Variants in FRMD4A observed in about 807,000 individuals in gnomAD.
FRMD4A encodes the protein FERM domain containing 4A.
Under a neutral mutation model 129.1 loss-of-function variants are expected in FRMD4A, and 29 were observed. That is an observed-to-expected ratio of 0.22 (90% CI 0.17 to 0.31). The LOEUF (loss-of-function observed/expected upper bound fraction) is 0.31. FRMD4A is among the 10% of genes least tolerant of loss of function. FRMD4A has a pLI of 1.00. For missense variants in FRMD4A, 1,272 were observed against 1,375.8 expected, an observed-to-expected ratio of 0.92 and a Z score of 1.19; for synonymous variants, 634 against 571.6, an observed-to-expected ratio of 1.11 and a Z score of -1.56.
At chr10:13,670,260 G>A (rs994059421) in intron 17 of FRMD4A, 146 bp downstream of exon 17, 39 of 731,584 alleles carry the variant, frequency 5.3e-5, no homozygotes, top group East Asian at 4.2e-4. Flanking sequence ...CATACTGACC[G>A]GCCAGCTCAC....
intron 2 of FRMD4A, among the ~76,000 whole-genome samples, chr10:13,872,016 T>C (rs1361473282): frequency 2.6e-5 from 4 of 152,238 alleles, no homozygotes; most frequent in Non-Finnish European, 5.9e-5. Flanking sequence ...CCTCCTTCCG[T>C]AATCTATAAA....
At chr10:14,234,824 G>A (rs1042242863) in intron 2 of FRMD4A, among the ~76,000 whole-genome samples, 2 of 152,210 alleles carry the variant, frequency 1.3e-5, no homozygotes, top group South Asian at 2.1e-4. Flanking sequence ...ACAGCCTCAT[G>A]GTCCCACCTC....
intron 2 of FRMD4A, among the ~76,000 whole-genome samples, chr10:13,883,721 C>T (rs2094572888): frequency 6.6e-6 from 1 of 152,166 alleles, no homozygotes; most frequent in African/African-American, 2.4e-5. Context: ...GAAGGAACCA[C>T]AAACAAATAC....
rs140842075 is a variant in FRMD4A, at chr10:14,194,260, G to A, written c.45+135798C>T. ...CATCTCTGCGTTCCTTCATTCACTCGTCAGCCCTACTACTTCTCACAGCAC... is the reference window on the plus strand; with the variant it reads ...CATCTCTGCGTTCCTTCATTCACTCATCAGCCCTACTACTTCTCACAGCAC... On this transcript the variant is annotated intron_variant, in intron 2 of 24. Transcript: ENST00000357447. 3.9e-4 allele frequency among the ~76,000 whole-genome samples: 60 copies of A among 152,080 alleles called. No individual in the cohort carries two copies. The East Asian group carries it at 0.01, about 26-fold the overall frequency.
At chr10:13,906,606 C>T (rs1184069470) in intron 2 of FRMD4A, among the ~76,000 whole-genome samples, 1 of 152,196 alleles carries the variant, frequency 6.6e-6, no homozygotes, top group Admixed American at 6.5e-5. Flanking sequence ...GTATACAATA[C>T]CGTCTTCTCC....
chr10:13,802,771 G>A (rs966906870), intron 4 of FRMD4A, among the ~76,000 whole-genome samples: 1 of 152,112 alleles, frequency 6.6e-6, no homozygotes, highest in African/African-American at 2.4e-5. Context: ...ACCACACGTG[G>A]CCAAGTGTAT....
intron 2 of FRMD4A, among the ~76,000 whole-genome samples, chr10:13,934,627 G>A (rs1199127003): frequency 6.6e-6 from 1 of 152,182 alleles, no homozygotes; most frequent in Non-Finnish European, 1.5e-5. Context: ...AATTGCTGCA[G>A]TAAAAATGGC....
intron 5 of FRMD4A, among the ~76,000 whole-genome samples, chr10:13,787,141 G>C (rs2092885133): frequency 6.6e-6 from 1 of 151,652 alleles, no homozygotes; most frequent in African/African-American, 2.4e-5. Flanking sequence ...CTGAGATGAA[G>C]AGAAAAAAAA....
At chr10:14,094,296 T>C (rs1045196781) in intron 2 of FRMD4A, among the ~76,000 whole-genome samples, 2 of 152,290 alleles carry the variant, frequency 1.3e-5, no homozygotes, top group Admixed American at 6.5e-5. Context: ...GTGCGTGGAA[T>C]GATGAGGCCT....
In FRMD4A at chr10:13,700,820, C is replaced by CT. The variant is rs71503097; in HGVS notation, c.975+519dup. 3.8e-3 allele frequency among the ~76,000 whole-genome samples: 172 copies of CT among 44,698 alleles called. 10 individuals carry two copies. The highest frequency in any genetic ancestry group is 8.6e-3 in the African/African-American group (99 of 11,576). 29.3% of individuals were successfully genotyped at this position (44,698 alleles called of 152,430 possible). On this transcript the variant is annotated intron_variant, in intron 14 of 24. Transcript: ENST00000357447. ...CTACCTTAGGGAAACAGGGTAGTTG[C>CT]TTTTTTTTTTTTTTTTTTTTTTTTT...
At chr10:14,081,809 G>A (rs1833579981) in intron 2 of FRMD4A, among the ~76,000 whole-genome samples, 2 of 152,174 alleles carry the variant, frequency 1.3e-5, no homozygotes, top group South Asian at 4.1e-4. Flanking sequence ...AGCCTACTGT[G>A]GCAAATTCAG....
chr10:13,698,004 C>T (rs990418564), intron 14 of FRMD4A, among the ~76,000 whole-genome samples: 1 of 151,552 alleles, frequency 6.6e-6, no homozygotes, highest in Non-Finnish European at 1.5e-5. Context: ...GAAGGAGCTA[C>T]AAATAACCAA....
intron 2 of FRMD4A, among the ~76,000 whole-genome samples, chr10:13,998,988 T>A (rs944808444): frequency 6.6e-6 from 1 of 152,044 alleles, no homozygotes; most frequent in South Asian, 2.1e-4. Flanking sequence ...CTTCTCTGAC[T>A]CTTTAACCTC....
chr10:14,154,038 T>C (rs1840476375), intron 2 of FRMD4A, among the ~76,000 whole-genome samples: 1 of 152,160 alleles, frequency 6.6e-6, no homozygotes, highest in African/African-American at 2.4e-5. Context: ...CTCTTAGCTC[T>C]TCCAGCGCCT....
At chr10:14,277,403 T>A (rs1845379541) in intron 2 of FRMD4A, among the ~76,000 whole-genome samples, 1 of 152,158 alleles carries the variant, frequency 6.6e-6, no homozygotes, top group Non-Finnish European at 1.5e-5. Context: ...ATGGGATTAG[T>A]GTGCTTGTAA....
At chr10:13,925,128 C>T (rs1373845242) in intron 2 of FRMD4A, among the ~76,000 whole-genome samples, 1 of 146,612 alleles carries the variant, frequency 6.8e-6, no homozygotes, top group East Asian at 2.1e-4. Flanking sequence ...TTCATTAATA[C>T]AGGCTGCAAT....
chr10:13,674,283 A>T (rs1564577893), intron 16 of FRMD4A, among the ~76,000 whole-genome samples: 1 of 152,136 alleles, frequency 6.6e-6, no homozygotes, highest in Non-Finnish European at 1.5e-5. Context: ...CAGGCACAAA[A>T]TCTTGGGAGG....
At chr10:14,297,576 C>A (rs1480685848) in intron 2 of FRMD4A, among the ~76,000 whole-genome samples, 1 of 152,186 alleles carries the variant, frequency 6.6e-6, no homozygotes, top group African/African-American at 2.4e-5. Context: ...CCCACTAGAA[C>A]CTATTCTGGG....
intron 2 of FRMD4A, among the ~76,000 whole-genome samples, chr10:13,980,006 C>A (rs758246639): frequency 6.6e-6 from 1 of 152,196 alleles, no homozygotes; most frequent in Non-Finnish European, 1.5e-5. Flanking sequence ...ACACTCACCA[C>A]GGCATTCACA....
Sources: gnomAD v4.1 joint callset for allele counts (sites outside exome capture counted in the v4.1 genomes callset) on GRCh38, gnomAD v4.1.1 for gene constraint, MANE v1.5 for transcripts, NCBI Gene and HGNC (gene_info 2026-07-23, HGNC 2026-07-21) for gene names.